Variants in FGF20 observed in about 807,000 individuals in gnomAD.
The protein encoded by FGF20 is fibroblast growth factor 20.
Under a neutral mutation model 16.7 loss-of-function variants are expected in FGF20, and 8 were observed. That is an observed-to-expected ratio of 0.48 (90% CI 0.28 to 0.87). The LOEUF is 0.87. FGF20 is among the 40% of genes least tolerant of loss of function. The pLI, the probability that FGF20 is intolerant of heterozygous loss-of-function variation, is 0.10. For missense variants in FGF20, 397 were observed against 281.4 expected, an observed-to-expected ratio of 1.41 and a Z score of -2.94; for synonymous variants, 161 against 118.6, an observed-to-expected ratio of 1.36 and a Z score of -2.32.
chr8:16,992,969 C>T lies in FGF20; in HGVS notation c.*103G>A. 7.1e-7 allele frequency: 1 copy of T among 1,398,974 alleles called. No homozygotes were observed. Among genetic ancestry groups the T allele is most frequent in the Non-Finnish European group, 9.6e-7 (1 of 1,036,294 alleles). The allele number at this position is 1,398,974 out of a possible 1,614,324, so 86.7% of individuals were successfully genotyped here. On this transcript the variant is annotated 3_prime_UTR_variant, in exon 3 of 3. Coordinates refer to ENST00000180166, the MANE Select transcript of FGF20 (RefSeq NM_019851.3). ...ATCCAGTCTCTCAGTAGAAAATAGACTTTAATATTTTGAACGTCTCCTTGG... is the reference window on the plus strand; with the variant it reads ...ATCCAGTCTCTCAGTAGAAAATAGATTTTAATATTTTGAACGTCTCCTTGG...
chr8:16,997,787 G>A (rs1810089508), intron 1 of FGF20, among the ~76,000 whole-genome samples: 1 of 152,142 alleles, frequency 6.6e-6, no homozygotes, highest in Non-Finnish European at 1.5e-5. Context: ...AAGTTCATTA[G>A]CAAAAGAGTC....
At chr8:16,996,156 C>T (rs558102201) in intron 1 of FGF20, among the ~76,000 whole-genome samples, 5 of 152,202 alleles carry the variant, frequency 3.3e-5, no homozygotes, top group Admixed American at 3.3e-4. Context: ...GAACCTCGAA[C>T]CTCTCTTGCT....
rs762345928 is a variant in FGF20, at chr8:16,993,327, AG to A, written c.391-11del. ...CGGAAGTAAGTTTCTCCTGAAAGAG[AG>A]AAGATAACTATTATTTTTTAAAAAA... On this transcript the variant is annotated splice_polypyrimidine_tract_variant and intron_variant, in intron 2 of 2. Transcript: ENST00000180166. 6.3e-7 allele frequency: 1 copy of A among 1,587,184 alleles called. No homozygotes were observed. The highest frequency in any genetic ancestry group is 8.6e-7 in the Non-Finnish European group (1 of 1,168,672).
At chr8:17,000,941 G>C (rs997910422) in intron 1 of FGF20, among the ~76,000 whole-genome samples, 5 of 152,074 alleles carry the variant, frequency 3.3e-5, no homozygotes, top group Admixed American at 2.6e-4. Flanking sequence ...CTTTCCTAAA[G>C]TCGATACCAA....
At position 16,993,059 on chromosome 8, in the gene FGF20, T is replaced by A. The variant is rs771137602; in HGVS notation, c.*13A>T. On this transcript the variant is annotated 3_prime_UTR_variant, in exon 3 of 3. Coordinates refer to ENST00000180166, the MANE Select transcript of FGF20 (RefSeq NM_019851.3). ...GTTGTGGTTTGACTCTTCCATAATG[T>A]CACTATCGCACTTCAAGTGTACATC... The A allele has an allele frequency of 1.9e-6, 3 of 1,611,330 alleles. No homozygotes were observed. The African/African-American group carries it at 4.0e-5, about 22-fold the overall frequency.
intron 1 of FGF20, among the ~76,000 whole-genome samples, chr8:16,997,150 C>T (rs1194262500): frequency 1.3e-5 from 2 of 152,192 alleles, no homozygotes; most frequent in African/African-American, 4.8e-5. Context: ...TGATAAACCA[C>T]AGTTTAAAAA....
At position 16,999,955 on chromosome 8, in the gene FGF20, G is replaced by C. The variant is rs114766021; in HGVS notation, c.286+1792C>G. On this transcript the variant is annotated intron_variant, in intron 1 of 2. Transcript: ENST00000180166. Reference sequence around the variant, plus strand: ...TCCCTATAAGTATTATCACATTTGTGTTTATTTCTAAATCTTTCTGGTAGT... The same window carrying C: ...TCCCTATAAGTATTATCACATTTGTCTTTATTTCTAAATCTTTCTGGTAGT... Among the ~76,000 whole-genome samples the C allele has an allele frequency of 6.4e-3, 972 of 152,270 alleles. 16 individuals are homozygous for C. Among genetic ancestry groups the C allele is most frequent in the African/African-American group, 0.022 (924 of 41,552 alleles).
chr8:16,996,641 C>T (rs1306087980), intron 1 of FGF20, among the ~76,000 whole-genome samples: 1 of 152,168 alleles, frequency 6.6e-6, no homozygotes, highest in Non-Finnish European at 1.5e-5. Flanking sequence ...TTTCTAGGAG[C>T]AGCAGCATCC....
Position 16,993,289 on chromosome 8 carries a change from C to G in FGF20, c.419G>C (p.Arg140Thr), listed in dbSNP as rs773742854. ...ATACCAGTTCTCTTCAAACTGCTCC[C>G]TAAAGATGCATTCGGAAGTAAGTTT... ...SEKLTSECIFREQFEENWYNT... is the reference protein window; with the variant it reads ...SEKLTSECIFTEQFEENWYNT... The change falls in exon 3 of 3, where the codon AGG becomes ACG. Residue 140 changes from arginine (R) to threonine (T), a missense_variant. By Grantham distance (71) the Arg-to-Thr change is moderately conservative (BLOSUM62 -1). Transcript: ENST00000180166. 1.9e-6 allele frequency: 3 copies of G among 1,611,326 alleles called. No homozygotes were observed. The highest frequency in any genetic ancestry group is 2.5e-6 in the Non-Finnish European group (3 of 1,178,686).
intron 1 of FGF20, among the ~76,000 whole-genome samples, chr8:16,998,901 T>G (rs1472848436): frequency 6.6e-6 from 1 of 151,982 alleles, no homozygotes; most frequent in African/African-American, 2.4e-5. Context: ...AAAAAAAAGT[T>G]ATTTCCTTTA....
chr8:16,993,773 T>C (rs1022050179), intron 2 of FGF20, among the ~76,000 whole-genome samples: 1 of 152,194 alleles, frequency 6.6e-6, no homozygotes, highest in African/African-American at 2.4e-5. Context: ...ACGGATGCAG[T>C]GACACATCAT....
intron 2 of FGF20, among the ~76,000 whole-genome samples, chr8:16,995,256 CG>C (rs1810016270): frequency 6.6e-6 from 1 of 152,038 alleles, no homozygotes; most frequent in Non-Finnish European, 1.5e-5. Context: ...AAGTAAGTGA[CG>C]TATATTTAGC....
chr8:16,998,886 CA>C (rs34706124), intron 1 of FGF20, among the ~76,000 whole-genome samples: 1,829 of 142,042 alleles, frequency 0.013, 27 homozygotes, highest in African/African-American at 0.044. Flanking sequence ...ATAAAACTGG[CA>C]AAAAAAAAAA....
chr8:16,999,186 A>G (rs1158250635), intron 1 of FGF20, among the ~76,000 whole-genome samples: 2 of 152,218 alleles, frequency 1.3e-5, no homozygotes, highest in Non-Finnish European at 2.9e-5. Flanking sequence ...AATCTGGGTT[A>G]TCTTCCTTTT....
In FGF20 at chr8:17,002,100, G is replaced by C; in HGVS notation, c.-68C>G. On this transcript the variant is annotated 5_prime_UTR_variant, in exon 1 of 3. In the 5' UTR this introduces an upstream ATG that the reference lacks. Transcript: ENST00000180166. ...GTGTTGTGGGGGTGGGATGGAGGTG[G>C]ATAGAGAAAAATTATAGCAAAACGA... 7.0e-7 allele frequency: 1 copy of C among 1,431,984 alleles called. No individual in the cohort carries two copies. Among genetic ancestry groups the C allele is most frequent in the Non-Finnish European group, 9.2e-7 (1 of 1,091,896 alleles). 88.7% of individuals were successfully genotyped at this position (1,431,984 alleles called of 1,614,324 possible).
At chr8:17,000,374 G>A (rs1048766200) in intron 1 of FGF20, among the ~76,000 whole-genome samples, 1 of 152,012 alleles carries the variant, frequency 6.6e-6, no homozygotes, top group African/African-American at 2.4e-5. Flanking sequence ...AGTTACAAAT[G>A]CCCCCTTAAA....
At chr8:16,997,422 T>C (rs1195265017) in intron 1 of FGF20, among the ~76,000 whole-genome samples, 1 of 152,230 alleles carries the variant, frequency 6.6e-6, no homozygotes, top group Non-Finnish European at 1.5e-5. Flanking sequence ...TACAAGTTCC[T>C]GTTTGGACAC....
chr8:17,000,609 C>G (rs931110394), intron 1 of FGF20, among the ~76,000 whole-genome samples: 1 of 152,092 alleles, frequency 6.6e-6, no homozygotes, highest in Admixed American at 6.6e-5. Flanking sequence ...TAATCAAAAT[C>G]CTTTGACATT....
At chr8:17,000,007 G>C (rs961137119) in intron 1 of FGF20, among the ~76,000 whole-genome samples, 1 of 152,310 alleles carries the variant, frequency 6.6e-6, no homozygotes, top group Middle Eastern at 3.4e-3. Context: ...AATGAGCGCA[G>C]TGAAGTCATC....
Sources: gnomAD v4.1 joint callset for allele counts (sites outside exome capture counted in the v4.1 genomes callset) on GRCh38, gnomAD v4.1.1 for gene constraint, MANE v1.5 for transcripts, NCBI Gene and HGNC (gene_info 2026-07-23, HGNC 2026-07-21) for gene names.